CNIH3: variants seen among roughly 807,000 people sequenced by gnomAD.
CNIH3 encodes protein cornichon homolog 3.
CNIH3 carries 14 observed loss-of-function variants against 24.1 expected under a neutral mutation model. The ratio of observed to expected loss-of-function variants is 0.58; its 90% CI spans 0.38 to 0.91. The LOEUF (loss-of-function observed/expected upper bound fraction) is 0.91, where lower values mean the gene tolerates loss of function less well. Among genes scored for constraint, CNIH3 ranks in the 40% least tolerant of loss-of-function variants. The pLI is 0.00. For missense variants in CNIH3, 178 were observed against 196.8 expected (o/e 0.90, Z 0.57); for synonymous variants, 68 against 73.8 (o/e 0.92, Z 0.40).
At chr1:224,733,958 C>G (rs1689464066) in intron 4 of CNIH3, among the ~76,000 whole-genome samples, 2 of 152,194 alleles carry the variant, frequency 1.3e-5, no homozygotes, top group East Asian at 1.9e-4. Flanking sequence ...GAAGTACACA[C>G]AGTTCGCGTT....
chr1:224,506,283 G>GCA (rs879719993), intron 1 of CNIH3, among the ~76,000 whole-genome samples: 3,439 of 77,938 alleles, frequency 0.044, 67 homozygotes, highest in South Asian at 0.14. Flanking sequence ...GCGCGCGCGC[G>GCA]CGCGCACACA....
At chr1:224,689,104 A>C (rs1249226194) in intron 3 of CNIH3, among the ~76,000 whole-genome samples, 1 of 152,092 alleles carries the variant, frequency 6.6e-6, no homozygotes, top group Non-Finnish European at 1.5e-5. Flanking sequence ...GCTCTCAGCC[A>C]CTTCCGGGAC....
intron 3 of CNIH3, among the ~76,000 whole-genome samples, chr1:224,727,851 A>G (rs1269445744): frequency 1.3e-5 from 2 of 152,164 alleles, no homozygotes; most frequent in African/African-American, 4.8e-5. Context: ...ATAAGAGGTC[A>G]TCTAGAGAAG....
chr1:224,578,182 A>G lies in CNIH3; in HGVS notation n.517-4982A>G, dbSNP rs576240236. The stretch of plus-strand genomic sequence containing the variant: ...AACTATTGAAATAAAAATTAAAAAA[A>G]TAAAAACAACAATGACGACAACAAA... On this transcript the variant is annotated intron_variant and non_coding_transcript_variant, in intron 4 of 5. Transcript: ENST00000471578. 1.6e-4 allele frequency among the ~76,000 whole-genome samples: 25 copies of G among 152,372 alleles called. No homozygotes were observed. The South Asian group carries it at 5.2e-3, about 32-fold the overall frequency.
intron 1 of CNIH3, among the ~76,000 whole-genome samples, chr1:224,489,535 T>C (rs1038488445): frequency 6.6e-6 from 1 of 152,216 alleles, no homozygotes; most frequent in Non-Finnish European, 1.5e-5. Context: ...CTCTTTCAAA[T>C]GTCCACTCCC....
chr1:224,572,114 TAGG>T (rs753066205), intron 4 of CNIH3, among the ~76,000 whole-genome samples: 2 of 152,080 alleles, frequency 1.3e-5, no homozygotes, highest in Non-Finnish European at 2.9e-5. Context: ...ACTGCAGAAC[TAGG>T]AGGAGGTGGA....
intron 5 of CNIH3, among the ~76,000 whole-genome samples, chr1:224,583,458 G>A (rs1681362971): frequency 6.6e-6 from 1 of 152,074 alleles, no homozygotes; most frequent in Admixed American, 6.5e-5. Context: ...GGGATCAGCA[G>A]GTAAGAGACA....
At chr1:224,537,257 A>G (rs1679324153), downstream of CNIH3, 1 of 152,234 alleles carries the variant, frequency 6.6e-6, no homozygotes, top group Non-Finnish European at 1.5e-5. Context: ...CAACTGCGGG[A>G]CAAAGGACAG....
At chr1:224,449,889 G>C (rs1675319192) in intron 1 of CNIH3, among the ~76,000 whole-genome samples, 2 of 151,898 alleles carry the variant, frequency 1.3e-5, no homozygotes, top group South Asian at 4.2e-4. Context: ...TGGAACCTGT[G>C]GCCTGCTTTC....
chr1:224,730,440 C>T (rs540271788), intron 3 of CNIH3, 22 bp from the exon 4 acceptor site: 11 of 1,474,682 alleles, frequency 7.5e-6, no homozygotes, highest in South Asian at 3.6e-5. Context: ...AACTCAGGGC[C>T]GTGTCTCTGC....
intron 1 of CNIH3, among the ~76,000 whole-genome samples, chr1:224,477,093 T>C (rs909222492): frequency 2.0e-5 from 3 of 152,134 alleles, no homozygotes; most frequent in African/African-American, 7.2e-5. Flanking sequence ...ACTTGCCCCA[T>C]TGAGAAAGCA....
At chr1:224,573,452 TG>T (rs1202028842) in intron 4 of CNIH3, among the ~76,000 whole-genome samples, 2 of 152,152 alleles carry the variant, frequency 1.3e-5, no homozygotes, top group Non-Finnish European at 2.9e-5. Context: ...AACTCTAAGC[TG>T]GAATTTAGGC....
chr1:224,702,918 C>A (rs1471289389), intron 3 of CNIH3, among the ~76,000 whole-genome samples: 1 of 152,186 alleles, frequency 6.6e-6, no homozygotes, highest in Non-Finnish European at 1.5e-5. Flanking sequence ...AGATAGTATC[C>A]TCTACCTTTA....
intron 1 of CNIH3, among the ~76,000 whole-genome samples, chr1:224,500,524 T>C (rs1572367613): frequency 6.6e-6 from 1 of 151,968 alleles, no homozygotes; most frequent in African/African-American, 2.4e-5. Context: ...ATACAAAAAC[T>C]TAGTCAGGCT....
intron 2 of CNIH3, among the ~76,000 whole-genome samples, chr1:224,525,239 C>T (rs1678799034): frequency 1.3e-5 from 2 of 152,200 alleles, no homozygotes; most frequent in Admixed American, 6.5e-5. Context: ...TGCACAAACA[C>T]TTCCGTGTGT....
At chr1:224,529,581 C>T (rs557261242) in intron 2 of CNIH3, among the ~76,000 whole-genome samples, 15 of 152,172 alleles carry the variant, frequency 9.9e-5, no homozygotes, top group Non-Finnish European at 2.1e-4. Flanking sequence ...CTATAGCCTC[C>T]TCTAGATTCA....
chr1:224,462,822 T>C (rs1036574056), intron 1 of CNIH3, among the ~76,000 whole-genome samples: 1 of 151,562 alleles, frequency 6.6e-6, no homozygotes, highest in African/African-American at 2.4e-5. Context: ...TGTATTTTTA[T>C]TGTAGACATG....
At chr1:224,498,307 G>T (rs1008015847) in intron 1 of CNIH3, among the ~76,000 whole-genome samples, 3 of 152,212 alleles carry the variant, frequency 2.0e-5, no homozygotes, top group African/African-American at 7.2e-5. Context: ...GGTGGTGGCG[G>T]TAGGGGTGTC....
At chr1:224,560,194 C>T (rs559392916) in intron 3 of CNIH3, among the ~76,000 whole-genome samples, 162 of 152,186 alleles carry the variant, frequency 1.1e-3, no homozygotes, top group African/African-American at 3.8e-3. Flanking sequence ...CATGGCTTTT[C>T]ATGTGTATAT....
Sources: gnomAD v4.1 joint callset for allele counts (sites outside exome capture counted in the v4.1 genomes callset) on GRCh38, gnomAD v4.1.1 for gene constraint, MANE v1.5 for transcripts, NCBI Gene and HGNC (gene_info 2026-07-23, HGNC 2026-07-21) for gene names.